INTS3: variants seen among roughly 807,000 people sequenced by gnomAD.
The protein encoded by INTS3 is integrator complex subunit 3.
In INTS3, 34 loss-of-function variants were observed where a neutral mutation model predicts 146.3. The observed-to-expected ratio is 0.23, with a 90% confidence interval of 0.18 to 0.31. The LOEUF is 0.31. Among genes scored for constraint, INTS3 ranks in the 10% least tolerant of loss-of-function variants. INTS3 has a pLI of 1.00. For synonymous variants in INTS3, 475 were observed against 494.9 expected (o/e 0.96, Z 0.53); for missense variants, 757 against 1,304.2 (o/e 0.58, Z 6.46).
At chr1:153,734,170 A>C (rs1671198487) in intron 1 of INTS3, among the ~76,000 whole-genome samples, 1 of 152,144 alleles carries the variant, frequency 6.6e-6, no homozygotes, top group African/African-American at 2.4e-5. Flanking sequence ...TGGAGGGCTT[A>C]CTCTGAACAG....
intron 20 of INTS3, chr1:153,767,372 T>G (rs1025866901): frequency 3.2e-6 from 1 of 308,090 alleles, no homozygotes; most frequent in Non-Finnish European, 5.9e-6. Context: ...AGAGAAAGCC[T>G]TCTCCAGCCT....
intron 3 of INTS3, among the ~76,000 whole-genome samples, chr1:153,743,889 C>T (rs1671629789): frequency 2.6e-5 from 4 of 151,946 alleles, no homozygotes; most frequent in Admixed American, 2.6e-4. Flanking sequence ...CAGCAGGCAG[C>T]TCTAGAAAGA....
chr1:153,761,295 G>T, intron 13 of INTS3: 1 of 491,420 alleles, frequency 2.0e-6, no homozygotes, highest in Admixed American at 3.7e-5. Context: ...CAGATCACCT[G>T]AGGTTAGGAA....
intron 17 of INTS3, 38 bp from the exon 18 acceptor site, chr1:153,764,080 G>A (rs1672487051): frequency 2.6e-6 from 4 of 1,527,088 alleles, no homozygotes; most frequent in South Asian, 1.1e-5. Flanking sequence ...GGGCTTGGGT[G>A]TAGGTAGTGA....
chr1:153,729,642 C>T (rs1475342189), intron 1 of INTS3, among the ~76,000 whole-genome samples: 6 of 152,086 alleles, frequency 3.9e-5, no homozygotes, highest in Non-Finnish European at 7.4e-5. Context: ...CCGAGGCAGG[C>T]GGATCACAAG....
chr1:153,745,996 G>T (rs9426901), intron 3 of INTS3, among the ~76,000 whole-genome samples: 87,679 of 151,986 alleles, frequency 0.58, 26,763 homozygotes, highest in African/African-American at 0.78. Context: ...TACCAGCTAC[G>T]CAGAAGTTCG....
chr1:153,764,870 C>T, intron 19 of INTS3, 74 bp from the exon 20 acceptor site: 1 of 1,592,414 alleles, frequency 6.3e-7, no homozygotes. Context: ...ACAGCCCATG[C>T]CACCTGAGAA....
intron 14 of INTS3, among the ~76,000 whole-genome samples, chr1:153,762,375 G>A (rs565067581): frequency 6.6e-6 from 1 of 152,274 alleles, no homozygotes; most frequent in East Asian, 1.9e-4. Context: ...ACCTGGGACG[G>A]GGAGGTTGCA....
chr1:153,729,453 A>T (rs1291154899), intron 1 of INTS3, among the ~76,000 whole-genome samples: 1 of 152,248 alleles, frequency 6.6e-6, no homozygotes, highest in Non-Finnish European at 1.5e-5. Context: ...GACCTGAATG[A>T]GGACTTCAGG....
intron 25 of INTS3, among the ~76,000 whole-genome samples, chr1:153,770,987 T>G (rs1297415958): frequency 1.3e-5 from 2 of 152,118 alleles, no homozygotes; most frequent in Non-Finnish European, 2.9e-5. Context: ...CATCCCTGTT[T>G]CCTGCTGCCA....
chr1:153,770,723 C>T lies in INTS3; in HGVS notation c.2542C>T (p.Arg848Ter), dbSNP rs775690732. The change falls in exon 25 of 30, where the codon CGA (arginine) becomes TGA (stop). Residue 848 changes from arginine to a stop codon, truncating the protein, a stop_gained. Transcript: ENST00000318967. LOFTEE classifies it high-confidence loss of function. ...EALSCLLLQL[R>*]REKPSEEMVK... ...CCTGTCCTGCCTACTGCTTCAACTC[C>T]GAAGAGAAAAGTGAGTTCCACTTCT... The T allele has an allele frequency of 1.9e-6, 3 of 1,613,430 alleles. No individual in the cohort carries two copies. The highest frequency in any genetic ancestry group is 1.7e-5 in the Admixed American group (1 of 60,008).
In INTS3 at chr1:153,751,238, G is replaced by A. The variant is rs749536993; in HGVS notation, c.728G>A (p.Arg243Gln). Residue 243 changes from arginine to glutamine, a missense_variant and splice_region_variant, in exon 7 of 30, where the codon CGG becomes CAG. Arg to Gln is a conservative substitution (Grantham distance 43). Around this residue, in one of 8 missense-constraint regions of INTS3, gnomAD observed 134 missense variants for 243.1 expected, o/e 0.55. Transcript: ENST00000318967. ...TTCTGCATCTCACTGCTTCGGGAAC[G>A]GGTGAGGGAACAGGACAAAAATAAT... ...VDFCISLLRE[R>Q]FMECLMIGRD... 26 of 1,613,924 alleles carry A rather than the reference G, an allele frequency of 1.6e-5. No homozygotes were observed. The highest frequency in any genetic ancestry group is 2.2e-5 in the Non-Finnish European group (26 of 1,179,942).
Position 153,770,314 on chromosome 1 carries a change from G to C in INTS3, c.2503+3G>C, listed in dbSNP as rs1257412358. 6.4e-7 allele frequency: 1 copy of C among 1,564,810 alleles called. No homozygotes were observed. The highest frequency in any genetic ancestry group is 8.8e-7 in the Non-Finnish European group (1 of 1,135,184). On this transcript the variant is annotated splice_donor_region_variant and intron_variant, in intron 24 of 29. Transcript: ENST00000318967. ...CCTGCAGCACCTCAAATACAAGGGT[G>C]AGTAGGCTTTTGGGTAGGGAGCACA...
At chr1:153,753,471 C>T (rs113705026) in intron 8 of INTS3, among the ~76,000 whole-genome samples, 1 of 151,212 alleles carries the variant, frequency 6.6e-6, no homozygotes, top group African/African-American at 2.4e-5. Context: ...GCAAGAGAAT[C>T]GCTTGAACCC....
At chr1:153,733,867 T>G (rs925017140) in intron 1 of INTS3, among the ~76,000 whole-genome samples, 11 of 151,720 alleles carry the variant, frequency 7.3e-5, no homozygotes, top group African/African-American at 2.7e-4. Flanking sequence ...CCTCCCAGAG[T>G]GTTGGGACTA....
intron 10 of INTS3, 25 bp from the exon 11 acceptor site, chr1:153,759,501 T>C (rs767676406): frequency 3.9e-6 from 6 of 1,530,036 alleles, no homozygotes. Flanking sequence ...AAACTAGCCC[T>C]CTGTTTCTCC....
At chr1:153,731,577 C>CT (rs1491428244) in intron 1 of INTS3, among the ~76,000 whole-genome samples, 40,333 of 125,652 alleles carry the variant, frequency 0.32, 7,120 homozygotes, top group East Asian at 0.56. Flanking sequence ...CAAGAGCGTC[C>CT]TCTTTTTTTT....
At position 153,728,664 on chromosome 1, in the gene INTS3, A is replaced by G. The variant is rs761815993; in HGVS notation, c.30A>G (p.Ala10=). The G allele has an allele frequency of 1.1e-5, 18 of 1,599,316 alleles. No homozygotes were observed. The highest frequency in any genetic ancestry group is 6.8e-5 in the East Asian group (3 of 43,812). ...AGTTGCAGAAGGGAAAAGGGGCGGCAGCAGCAGCAGCTGCTTCGGGAGCAG... is the reference window on the plus strand; with the variant it reads ...AGTTGCAGAAGGGAAAAGGGGCGGCGGCAGCAGCAGCTGCTTCGGGAGCAG... The part of the protein sequence containing the change: MELQKGKGA[A]AAAAASGAAG... Residue 10 remains alanine (A), a synonymous_variant, in exon 1 of 30, where the codon GCA becomes GCG. Transcript: ENST00000318967.
At chr1:153,729,563 T>C (rs1670986582) in intron 1 of INTS3, among the ~76,000 whole-genome samples, 1 of 152,046 alleles carries the variant, frequency 6.6e-6, no homozygotes, top group Admixed American at 6.6e-5. Flanking sequence ...AACGAGAATA[T>C]GTACTTAAGA....
Sources: gnomAD v4.1 joint callset for allele counts (sites outside exome capture counted in the v4.1 genomes callset) on GRCh38, gnomAD v4.1.1 for gene constraint, gnomAD v4.1.1 regional missense constraint, MANE v1.5 for transcripts, NCBI Gene and HGNC (gene_info 2026-07-23, HGNC 2026-07-21) for gene names.